The following MACROD2 variants were observed in gnomAD, a reference collection of about 807,000 sequenced individuals.
MACROD2 encodes the protein mono-ADP ribosylhydrolase 2, also known as ADP-ribose glycohydrolase MACROD2.
A neutral mutation model predicts 70.4 loss-of-function variants in MACROD2; 36 were observed. The observed-to-expected ratio is 0.51, with a 90% CI of 0.39 to 0.68. The LOEUF (loss-of-function observed/expected upper bound fraction) is 0.68. Among genes scored for constraint, MACROD2 ranks in the 30% least tolerant of loss-of-function variants. MACROD2 has a pLI of 0.00. For synonymous variants in MACROD2, 172 were observed against 178.8 expected (o/e 0.96, Z 0.30); for missense variants, 496 against 538.4 (o/e 0.92, Z 0.78).
intron 4 of MACROD2, among the ~76,000 whole-genome samples, chr20:14,661,063 A>T (rs1264079422): frequency 2.0e-5 from 3 of 152,044 alleles, no homozygotes; most frequent in Non-Finnish European, 4.4e-5. Context: ...GTGGGTATAT[A>T]CTCAGTAATG....
chr20:15,433,479 AG>A lies in MACROD2; in HGVS notation c.571+2045del, dbSNP rs1236071329. ...AGCTGCAAAAAAAAAAAAAAAAAAA[AG>A]ATAAAATATTTAGGATTATACTTAA... On this transcript the variant is annotated intron_variant, in intron 7 of 17. Coordinates refer to ENST00000684519, the MANE Select transcript of MACROD2 (RefSeq NM_001351661.2). Among the ~76,000 whole-genome samples, 6 of 150,170 alleles carry A rather than the reference AG, an allele frequency of 4.0e-5. No individual in the cohort carries two copies. The East Asian group carries it at 7.8e-4, about 20-fold the overall frequency.
chr20:14,559,877 G>A (rs1660495810), intron 4 of MACROD2, among the ~76,000 whole-genome samples: 1 of 151,718 alleles, frequency 6.6e-6, no homozygotes, highest in South Asian at 2.1e-4. Flanking sequence ...TGTAATGGCT[G>A]CTACCATTTC....
intron 4 of MACROD2, among the ~76,000 whole-genome samples, chr20:14,648,192 T>C (rs554211934): frequency 6.6e-6 from 1 of 152,304 alleles, no homozygotes; most frequent in South Asian, 2.1e-4. Context: ...GTGATGTTTA[T>C]TGGAACAAAG....
intron 5 of MACROD2, among the ~76,000 whole-genome samples, chr20:14,795,361 G>A (rs911138308): frequency 1.3e-5 from 2 of 152,088 alleles, no homozygotes; most frequent in Non-Finnish European, 2.9e-5. Flanking sequence ...ATGGTGGTTT[G>A]AGATACACTT....
rs543058096 is a variant in MACROD2, at chr20:15,410,360, A to C, written c.541-21045A>C. Among the ~76,000 whole-genome samples, 3 of 152,290 alleles carry C rather than the reference A, an allele frequency of 2.0e-5. No homozygotes were observed. In the South Asian group the frequency reaches 6.2e-4, roughly 32 times the overall value. On this transcript the variant is annotated intron_variant, in intron 6 of 17. Transcript: ENST00000684519. ...GATAGTATATTTTGTAATTAGATTT[A>C]AAAAACCAATCATGTCTTTTGTTGT...
rs1248004241 is a variant in MACROD2 at position 14,071,257 on chromosome 20, T to TG, written c.164-14364_164-14363insG. On this transcript the variant is annotated intron_variant, in intron 2 of 17. Transcript: ENST00000684519. Reference sequence around the variant, plus strand: ...TATTGGCCATTTCATCTTGTGTTTTTTTTTTTTTTTTTTTTTTTTTTGAGA... The same window carrying TG: ...TATTGGCCATTTCATCTTGTGTTTTTGTTTTTTTTTTTTTTTTTTTTTGAGA... Among the ~76,000 whole-genome samples, 891 of 102,582 alleles carry TG rather than the reference T, an allele frequency of 8.7e-3. 18 individuals are homozygous for TG. The highest frequency in any genetic ancestry group is 0.02 in the South Asian group (56 of 2,838). 67.3% of individuals were successfully genotyped at this position (102,582 alleles called of 152,430 possible).
chr20:15,618,876 A>T (rs1198376651), intron 8 of MACROD2, among the ~76,000 whole-genome samples: 4 of 152,208 alleles, frequency 2.6e-5, no homozygotes, highest in African/African-American at 9.6e-5. Context: ...TTATTATTCA[A>T]ATCAGTTTTG....
At position 15,070,415 on chromosome 20, in the gene MACROD2, A is replaced by T. The variant is rs144121206; in HGVS notation, c.419-159525A>T. 1.5e-3 allele frequency among the ~76,000 whole-genome samples: 226 copies of T among 152,240 alleles called. 1 individual carries two copies. Among genetic ancestry groups the T allele is most frequent in the African/African-American group, 4.9e-3 (204 of 41,558 alleles). ...TTGTATTTTACAGTGTGAGAAGGACATGAAATTTGGGGGATCAGGGGTAGA... is the reference window on the plus strand; with the variant it reads ...TTGTATTTTACAGTGTGAGAAGGACTTGAAATTTGGGGGATCAGGGGTAGA... On this transcript the variant is annotated intron_variant, in intron 5 of 17. Coordinates refer to ENST00000684519, the MANE Select transcript of MACROD2 (RefSeq NM_001351661.2).
At chr20:14,830,999 A>G (rs1277036799) in intron 5 of MACROD2, among the ~76,000 whole-genome samples, 2 of 151,988 alleles carry the variant, frequency 1.3e-5, no homozygotes, top group African/African-American at 2.4e-5. Context: ...TGAAATCTCA[A>G]TGTTGGTTAC....
chr20:15,803,808 C>A (rs1427807064), intron 8 of MACROD2, among the ~76,000 whole-genome samples: 2 of 152,154 alleles, frequency 1.3e-5, no homozygotes, highest in African/African-American at 4.8e-5. Context: ...TGAACTTTGA[C>A]ATAGCAATGC....
chr20:15,088,714 A>G (rs2075771608), intron 5 of MACROD2, among the ~76,000 whole-genome samples: 1 of 147,130 alleles, frequency 6.8e-6, no homozygotes, highest in Admixed American at 6.7e-5. Context: ...TTCACATGTC[A>G]TAAATATATA....
intron 4 of MACROD2, chr20:14,494,118 T>C (rs2084825258): frequency 6.6e-6 from 1 of 152,132 alleles, no homozygotes; most frequent in East Asian, 1.9e-4. Flanking sequence ...ATTTGTATTT[T>C]TACTTCTAGG....
chr20:14,173,523 T>G (rs1026203777), intron 3 of MACROD2, among the ~76,000 whole-genome samples: 2 of 152,170 alleles, frequency 1.3e-5, no homozygotes, highest in East Asian at 3.9e-4. Context: ...TCAGATCTTG[T>G]ATTATTTTTA....
chr20:14,207,606 T>C (rs1322786100), intron 3 of MACROD2, among the ~76,000 whole-genome samples: 2 of 152,204 alleles, frequency 1.3e-5, no homozygotes, highest in Non-Finnish European at 2.9e-5. Context: ...TTGTGAAAAC[T>C]CGACTGAGGG....
At chr20:15,008,382 A>G (rs755185345) in intron 5 of MACROD2, among the ~76,000 whole-genome samples, 14 of 152,120 alleles carry the variant, frequency 9.2e-5, no homozygotes, top group African/African-American at 3.1e-4. Context: ...CATACCTTGT[A>G]TTTATTTTTA....
intron 8 of MACROD2, among the ~76,000 whole-genome samples, chr20:15,784,811 A>G (rs559071038): frequency 3.3e-5 from 5 of 152,134 alleles, no homozygotes; most frequent in African/African-American, 4.8e-5. Context: ...GAAAATTTAC[A>G]TAATAAAATG....
chr20:15,982,890 G>T (rs1160475189), intron 13 of MACROD2, among the ~76,000 whole-genome samples: 1 of 147,210 alleles, frequency 6.8e-6, no homozygotes, highest in Non-Finnish European at 1.5e-5. Flanking sequence ...CTACCAGGGC[G>T]CTTGGACGTG....
At chr20:15,977,508 C>T (rs1476586920) in intron 13 of MACROD2, among the ~76,000 whole-genome samples, 1 of 152,166 alleles carries the variant, frequency 6.6e-6, no homozygotes, top group African/African-American at 2.4e-5. Context: ...CAAGACTTTA[C>T]CTTGTTGTTA....
At position 15,322,073 on chromosome 20, in the gene MACROD2, G is replaced by A. The variant is rs1036628896; in HGVS notation, c.540+92012G>A. Among the ~76,000 whole-genome samples, 30 of 144,246 alleles carry A rather than the reference G, an allele frequency of 2.1e-4. 4 individuals carry two copies. The highest frequency in any genetic ancestry group is 3.6e-4 in the Non-Finnish European group (23 of 63,730). 94.6% of individuals were successfully genotyped at this position (144,246 alleles called of 152,430 possible). On this transcript the variant is annotated intron_variant, in intron 6 of 17. Transcript: ENST00000684519. The stretch of plus-strand genomic sequence containing the variant: ...CCCAAAGTGCTGGGATTACAGGCAT[G>A]AGCCACTGCACCCGGCCACTACACA...
Sources: gnomAD v4.1 joint callset for allele counts (sites outside exome capture counted in the v4.1 genomes callset) on GRCh38, gnomAD v4.1.1 for gene constraint, MANE v1.5 for transcripts, NCBI Gene and HGNC (gene_info 2026-07-23, HGNC 2026-07-21) for gene names.